The following ZNF469 variants were observed in gnomAD, a reference collection of about 807,000 sequenced individuals.
The protein encoded by ZNF469 is zinc finger protein 469.
Under a neutral mutation model 1.0 loss-of-function variants are expected in ZNF469, and 1 was observed. The observed-to-expected ratio is 1.00, with a 90% CI of 0.35 to 4.73. ZNF469 has a LOEUF of 4.73. Among genes scored for constraint, ZNF469 ranks in the 30% most tolerant of loss-of-function variants. The pLI is 0.16. For synonymous variants in ZNF469, 2,703 were observed against 2,363.4 expected (o/e 1.14, Z -4.17); for missense variants, 6,100 against 5,356.3 (o/e 1.14, Z -4.33).
At chr16:88,377,473 C>G in the ZNF469 span, among the ~76,000 whole-genome samples, 1 of 152,194 alleles carries the variant, frequency 6.6e-6, no homozygotes, top group South Asian at 2.1e-4. Flanking sequence ...CCACCCCTGT[C>G]CACCCCAGCT....
the ZNF469 span, among the ~76,000 whole-genome samples, chr16:88,102,553 G>A: frequency 6.6e-6 from 1 of 152,244 alleles, no homozygotes; most frequent in Non-Finnish European, 1.5e-5. Flanking sequence ...AACATGGGCA[G>A]GGCTTCTTGC....
chr16:88,230,894 C>A, the ZNF469 span, among the ~76,000 whole-genome samples: 1 of 152,148 alleles, frequency 6.6e-6, no homozygotes, highest in Non-Finnish European at 1.5e-5. Flanking sequence ...GCTCTCACAG[C>A]GGGAGCTGTC....
At chr16:88,398,005 T>C (rs7189873) in intron 1 of ZNF469, among the ~76,000 whole-genome samples, 102,150 of 152,184 alleles carry the variant, frequency 0.67, 34,893 homozygotes, top group African/African-American at 0.79. Context: ...GCAGGTCCTC[T>C]TCAGCCCGGC....
the ZNF469 span, among the ~76,000 whole-genome samples, chr16:88,117,573 C>CCGTGGAGGTGCCACGTGCCTTCGG: frequency 9.0e-5 from 2 of 22,196 alleles, no homozygotes; most frequent in African/African-American, 2.0e-4. Context: ...CGTGCCTTCA[C>CCGTGGAGGTGCCACGTGCCTTCGG]GGACCGTGGA....
chr16:88,364,514 A>G, the ZNF469 span, among the ~76,000 whole-genome samples: 1 of 148,220 alleles, frequency 6.7e-6, no homozygotes, highest in African/African-American at 2.6e-5. Context: ...AAAAAAAAAA[A>G]AGCTGCTGGG....
rs572061351 is a variant in ZNF469 at position 88,431,184 on chromosome 16, C to T, written c.3714C>T (p.Ser1238=). ...PETAEESAPD[S]TEFTEALRSP... is the part of the protein sequence containing the mutation. ...CTGCCGAAGAGTCAGCCCCGGACAGCACAGAATTCACAGAGGCTTTGCGTT... is the reference window on the plus strand; with the variant it reads ...CTGCCGAAGAGTCAGCCCCGGACAGTACAGAATTCACAGAGGCTTTGCGTT... The change falls in exon 3 of 3, where the codon AGC becomes AGT. Residue 1238 remains serine, a synonymous_variant. Transcript: ENST00000565624. 859 of 1,550,386 alleles carry T rather than the reference C, an allele frequency of 5.5e-4. 14 individuals are homozygous for T. The South Asian group carries it at 9.7e-3, about 17-fold the overall frequency.
chr16:88,204,316 C>A, the ZNF469 span, among the ~76,000 whole-genome samples: 1 of 152,232 alleles, frequency 6.6e-6, no homozygotes, highest in South Asian at 2.1e-4. Context: ...GGAGATGCCC[C>A]ATAAGCCACA....
At chr16:88,350,388 G>A in the ZNF469 span, among the ~76,000 whole-genome samples, 5 of 152,268 alleles carry the variant, frequency 3.3e-5, no homozygotes, top group Admixed American at 6.5e-5. Context: ...ACCTCCCGGC[G>A]CACCCACCTC....
chr16:88,296,882 CAGA>C, the ZNF469 span, among the ~76,000 whole-genome samples: 1 of 152,216 alleles, frequency 6.6e-6, no homozygotes, highest in Non-Finnish European at 1.5e-5. Context: ...GCACACCAGG[CAGA>C]AGGACAGCCC....
At chr16:88,256,451 T>G in the ZNF469 span, among the ~76,000 whole-genome samples, 1 of 152,230 alleles carries the variant, frequency 6.6e-6, no homozygotes, top group Admixed American at 6.5e-5. Context: ...ATCCATTCAC[T>G]TATGGAGGGC....
At chr16:88,337,609 C>G in the ZNF469 span, among the ~76,000 whole-genome samples, 2 of 152,328 alleles carry the variant, frequency 1.3e-5, no homozygotes, top group South Asian at 4.1e-4. Context: ...TGCCAGGCTG[C>G]TCCTCATTTT....
chr16:88,191,552 A>T, the ZNF469 span: 1 of 152,318 alleles, frequency 6.6e-6, no homozygotes, highest in South Asian at 2.1e-4. Context: ...GCTGAAGGGG[A>T]TGAATGAACA....
the ZNF469 span, among the ~76,000 whole-genome samples, chr16:88,277,039 G>T: frequency 1.3e-5 from 2 of 151,662 alleles, no homozygotes; most frequent in Admixed American, 1.3e-4. Flanking sequence ...TCAGTACCAT[G>T]TATATATCAT....
rs1374361556 is a variant in ZNF469 at position 88,436,396 on chromosome 16, T to C, written c.8926T>C (p.Ser2976Pro). The change falls in exon 3 of 3, where the codon TCC becomes CCC. Residue 2976 changes from serine to proline, a missense_variant. Physicochemically the swap from Ser to Pro is moderately conservative, Grantham distance 74. Coordinates refer to ENST00000565624, the MANE Select transcript of ZNF469 (RefSeq NM_001367624.2). ...SREAGAEKLP[S>P]HCPEDDRPEA... ...GGAAGCTGGTGCAGAGAAGCTGCCC[T>C]CCCACTGCCCCGAGGACGATCGGCC... The C allele has an allele frequency of 5.2e-6, 8 of 1,549,814 alleles. No individual in the cohort carries two copies. The highest frequency in any genetic ancestry group is 7.0e-6 in the Non-Finnish European group (8 of 1,146,920).
the ZNF469 span, among the ~76,000 whole-genome samples, chr16:88,232,824 T>C: frequency 1.3e-5 from 2 of 152,240 alleles, no homozygotes; most frequent in Non-Finnish European, 2.9e-5. Flanking sequence ...GCCCAGCAAC[T>C]ATTTGACATT....
chr16:88,291,306 T>C, the ZNF469 span, among the ~76,000 whole-genome samples: 1 of 152,182 alleles, frequency 6.6e-6, no homozygotes. Context: ...TGCTGCACAT[T>C]GGTCCCCACT....
chr16:88,304,397 A>G, the ZNF469 span, among the ~76,000 whole-genome samples: 1 of 152,186 alleles, frequency 6.6e-6, no homozygotes, highest in African/African-American at 2.4e-5. Context: ...AAGATGGGAA[A>G]CTGAGAAGGG....
At chr16:88,292,855 G>T in the ZNF469 span, among the ~76,000 whole-genome samples, 1 of 149,014 alleles carries the variant, frequency 6.7e-6, no homozygotes, top group South Asian at 2.1e-4. Context: ...CAGCTCACCA[G>T]GAACTTTAAA....
At chr16:88,264,005 C>A in the ZNF469 span, among the ~76,000 whole-genome samples, 6 of 152,114 alleles carry the variant, frequency 3.9e-5, no homozygotes, top group South Asian at 1.2e-3. Flanking sequence ...CCTGCCCACA[C>A]CAGCCTCCCT....
Sources: gnomAD v4.1 joint callset for allele counts (sites outside exome capture counted in the v4.1 genomes callset) on GRCh38, gnomAD v4.1.1 for gene constraint, MANE v1.5 for transcripts, NCBI Gene and HGNC (gene_info 2026-07-23, HGNC 2026-07-21) for gene names.